The following GLIS3 variants were observed in gnomAD, a reference collection of about 807,000 sequenced individuals.
GLIS3 encodes zinc finger protein GLIS3.
GLIS3 carries 53 observed loss-of-function variants against 78.6 expected under a neutral mutation model. The ratio of observed to expected loss-of-function variants is 0.67; its 90% CI spans 0.54 to 0.85. The LOEUF (loss-of-function observed/expected upper bound fraction) is 0.85, where lower values mean the gene tolerates loss of function less well. Ranked by LOEUF, GLIS3 falls within the 40% of genes least tolerant of loss-of-function variation. The pLI is 0.00. For missense variants in GLIS3, 1,703 were observed against 1,231.1 expected, an observed-to-expected ratio of 1.38 and a Z score of -5.74; for synonymous variants, 684 against 509.9, an observed-to-expected ratio of 1.34 and a Z score of -4.60.
chr9:4,415,555 C>A, the GLIS3 span, among the ~76,000 whole-genome samples: 31 of 152,120 alleles, frequency 2.0e-4, no homozygotes, highest in African/African-American at 4.8e-5. Flanking sequence ...TTGTTCTCGG[C>A]CACTTCTCCC....
At chr9:4,448,671 C>T in the GLIS3 span, among the ~76,000 whole-genome samples, 3 of 152,230 alleles carry the variant, frequency 2.0e-5, no homozygotes, top group African/African-American at 4.8e-5. Context: ...GTCAAAGCAA[C>T]TTATATCACT....
At chr9:4,156,888 C>A (rs535920346) in intron 2 of GLIS3, among the ~76,000 whole-genome samples, 118 of 152,284 alleles carry the variant, frequency 7.7e-4, no homozygotes, top group Non-Finnish European at 1.4e-3. Context: ...CCTGGACCAA[C>A]AGCATCAGCA....
chr9:4,068,446 G>C (rs1031231213), intron 4 of GLIS3, among the ~76,000 whole-genome samples: 1 of 152,024 alleles, frequency 6.6e-6, no homozygotes, highest in Non-Finnish European at 1.5e-5. Flanking sequence ...GGCAAAAAGG[G>C]CAAAGAAATA....
At chr9:4,120,436 T>C (rs915650274) in intron 3 of GLIS3, among the ~76,000 whole-genome samples, 9 of 152,226 alleles carry the variant, frequency 5.9e-5, no homozygotes, top group African/African-American at 2.2e-4. Context: ...TTGTAGTCTT[T>C]TTGCAACCTC....
chr9:4,136,200 G>A (rs186927626), intron 2 of GLIS3, among the ~76,000 whole-genome samples: 1 of 152,150 alleles, frequency 6.6e-6, no homozygotes, highest in Non-Finnish European at 1.5e-5. Flanking sequence ...GAAGAGATAA[G>A]ATATACTCAC....
chr9:3,877,686 T>C (rs768231001), intron 8 of GLIS3, among the ~76,000 whole-genome samples: 2 of 152,236 alleles, frequency 1.3e-5, no homozygotes, highest in Non-Finnish European at 2.9e-5. Context: ...GCTCCACATA[T>C]ATATTAATGA....
the GLIS3 span, among the ~76,000 whole-genome samples, chr9:4,366,558 T>A: frequency 6.6e-6 from 1 of 152,226 alleles, no homozygotes; most frequent in Admixed American, 6.5e-5. Context: ...TTCCACGCAA[T>A]TCATGAATTT....
chr9:3,867,083 C>T (rs1820635811), intron 8 of GLIS3, among the ~76,000 whole-genome samples: 1 of 152,116 alleles, frequency 6.6e-6, no homozygotes, highest in Non-Finnish European at 1.5e-5. Context: ...GAGTTGACTC[C>T]TAGGCTTTTT....
At chr9:4,259,601 A>C (rs1253802449) in intron 2 of GLIS3, among the ~76,000 whole-genome samples, 1 of 152,212 alleles carries the variant, frequency 6.6e-6, no homozygotes, top group Admixed American at 6.5e-5. Context: ...ACTGAGACCA[A>C]AGTTAAATGG....
the GLIS3 span, among the ~76,000 whole-genome samples, chr9:4,387,404 G>A: frequency 4.6e-5 from 7 of 152,142 alleles, no homozygotes; most frequent in Middle Eastern, 6.8e-3. Flanking sequence ...TTGGGTTTCC[G>A]ATTTCAGCAT....
At chr9:4,148,613 ACCC>A (rs1289617890) in intron 2 of GLIS3, among the ~76,000 whole-genome samples, 1 of 151,756 alleles carries the variant, frequency 6.6e-6, no homozygotes, top group Non-Finnish European at 1.5e-5. Context: ...ATCCACCTGG[ACCC>A]CTACCCATCA....
At chr9:4,154,325 A>G (rs1168606570) in intron 2 of GLIS3, among the ~76,000 whole-genome samples, 1 of 152,238 alleles carries the variant, frequency 6.6e-6, no homozygotes. Flanking sequence ...GGTTTTAGTC[A>G]TCATTGGAAA....
chr9:4,206,430 C>T (rs755581864), intron 2 of GLIS3, among the ~76,000 whole-genome samples: 14 of 152,138 alleles, frequency 9.2e-5, no homozygotes, highest in Non-Finnish European at 1.9e-4. Context: ...TTACTATTTC[C>T]AACTGAAAGT....
chr9:4,375,961 A>G, the GLIS3 span, among the ~76,000 whole-genome samples: 2 of 152,194 alleles, frequency 1.3e-5, no homozygotes, highest in Admixed American at 6.6e-5. Flanking sequence ...TTAACTTCTC[A>G]GTCTTTGTTC....
chr9:4,248,506 T>G (rs1415274218), intron 2 of GLIS3, among the ~76,000 whole-genome samples: 2 of 152,246 alleles, frequency 1.3e-5, no homozygotes, highest in Non-Finnish European at 2.9e-5. Flanking sequence ...GCATTTGGGT[T>G]GGTTCCAACT....
chr9:4,097,332 T>G (rs1273348875), intron 4 of GLIS3, among the ~76,000 whole-genome samples: 1 of 151,920 alleles, frequency 6.6e-6, no homozygotes, highest in Non-Finnish European at 1.5e-5. Context: ...ATCTATAACA[T>G]AACAGGATGT....
intron 2 of GLIS3, among the ~76,000 whole-genome samples, chr9:4,255,003 T>C (rs1824781758): frequency 6.6e-6 from 1 of 152,144 alleles, no homozygotes; most frequent in African/African-American, 2.4e-5. Flanking sequence ...TATAAGGAAC[T>C]CTTAAAACTC....
chr9:3,989,814 T>C (rs566915554), intron 4 of GLIS3, among the ~76,000 whole-genome samples: 1 of 152,312 alleles, frequency 6.6e-6, no homozygotes, highest in Non-Finnish European at 1.5e-5. Context: ...ATCTCAACTG[T>C]GATGGTGAAC....
chr9:3,990,278 C>T lies in GLIS3; in HGVS notation c.1711-53089G>A, dbSNP rs141829848. Among the ~76,000 whole-genome samples, 675 of 152,272 alleles carry T rather than the reference C, an allele frequency of 4.4e-3. 4 individuals carry two copies. The highest frequency in any genetic ancestry group is 0.016 in the African/African-American group (657 of 41,558). ...GCAAGGGGAGGGAATGTTACATTAA[C>T]ATAATATTAGAATCATTCCGGAGGA... On this transcript the variant is annotated intron_variant, in intron 4 of 10. Transcript: ENST00000381971.
Sources: allele counts gnomAD v4.1 joint callset (sites outside exome capture counted in the v4.1 genomes callset), GRCh38; gene constraint gnomAD v4.1.1; transcripts MANE v1.5; gene names NCBI Gene and HGNC (gene_info 2026-07-23, HGNC 2026-07-21).